The following BTBD7 variants were observed in gnomAD, a reference collection of about 807,000 sequenced individuals.
BTBD7 encodes BTB domain containing 7.
BTBD7 carries 38 observed loss-of-function variants against 99.9 expected under a neutral mutation model. The ratio of observed to expected loss-of-function variants is 0.38; its 90% confidence interval spans 0.29 to 0.50. BTBD7 has a LOEUF of 0.50. Ranked by LOEUF, BTBD7 falls within the 20% of genes least tolerant of loss-of-function variation. The pLI is 0.93. For missense variants in BTBD7, 1,170 were observed against 1,394.6 expected (o/e 0.84, Z 2.57); for synonymous variants, 520 against 511.4 (o/e 1.02, Z -0.23).
chr14:93,288,821 T>G, intron 3 of BTBD7: 1 of 1,448,430 alleles, frequency 6.9e-7, no homozygotes, highest in Non-Finnish European at 9.2e-7. Flanking sequence ...TTTGAGCTGT[T>G]CACCATTTCC....
intron 1 of BTBD7, among the ~76,000 whole-genome samples, chr14:93,310,770 C>CTTTTTTT (rs56756515): frequency 5.1e-5 from 6 of 116,660 alleles, no homozygotes; most frequent in Non-Finnish European, 6.9e-5. Flanking sequence ...AACCAAAAAA[C>CTTTTTTT]TTTTTTTTTT....
chr14:93,267,579 C>G (rs975017847), intron 3 of BTBD7, among the ~76,000 whole-genome samples: 13 of 152,212 alleles, frequency 8.5e-5, no homozygotes, highest in Non-Finnish European at 1.3e-4. Flanking sequence ...TAGCTCCAAG[C>G]CTGAGCTGAC....
intron 3 of BTBD7, among the ~76,000 whole-genome samples, chr14:93,278,935 G>C (rs1312604848): frequency 6.6e-6 from 1 of 152,180 alleles, no homozygotes; most frequent in East Asian, 1.9e-4. Context: ...GCTTGACACA[G>C]TGCCTGAAAA....
intron 1 of BTBD7, among the ~76,000 whole-genome samples, chr14:93,314,444 A>G (rs1235565450): frequency 6.6e-6 from 1 of 152,218 alleles, no homozygotes; most frequent in Non-Finnish European, 1.5e-5. Flanking sequence ...ATACAAAACT[A>G]TTTTCATTTC....
intron 8 of BTBD7, 133 bp from the exon 9 acceptor site, chr14:93,248,787 G>T: frequency 1.2e-6 from 1 of 808,044 alleles, no homozygotes; most frequent in South Asian, 2.2e-5. Context: ...TTAATTTCCT[G>T]GGAACACATT....
rs149141326 is a variant in BTBD7, at chr14:93,270,681, C to T, written c.1163-6688G>A. Among the ~76,000 whole-genome samples the T allele has an allele frequency of 3.2e-3, 466 of 146,312 alleles. 2 individuals carry two copies. Among genetic ancestry groups the T allele is most frequent in the Admixed American group, 8.0e-3 (115 of 14,398 alleles). Reference sequence around the variant, plus strand: ...CTGTACTCCAGCCTGGGCAACAGAGCGAGACTCTTGTCTCAAAAAAAAAAA... The same window carrying T: ...CTGTACTCCAGCCTGGGCAACAGAGTGAGACTCTTGTCTCAAAAAAAAAAA... On this transcript the variant is annotated intron_variant, in intron 3 of 10. Transcript: ENST00000334746.
At chr14:93,312,570 G>A (rs1009551301) in intron 1 of BTBD7, among the ~76,000 whole-genome samples, 2 of 152,144 alleles carry the variant, frequency 1.3e-5, no homozygotes, top group Non-Finnish European at 2.9e-5. Flanking sequence ...ATTCAGGAGT[G>A]GCCAACCCAG....
Position 93,300,078 on chromosome 14 carries a change from G to A in BTBD7, c.-106-3921C>T, listed in dbSNP as rs546674626. ...GTGGGAGTTAAGGTATCTAGGATTC[G>A]GTTATCTCTGTGTCACTAATTTACT... On this transcript the variant is annotated intron_variant, in intron 1 of 10. Transcript: ENST00000334746. Among the ~76,000 whole-genome samples, 7 of 152,092 alleles carry A rather than the reference G, an allele frequency of 4.6e-5. 1 individual carries two copies. In the South Asian group the frequency reaches 1.5e-3, roughly 32 times the overall value.
chr14:93,330,581 G>A (rs556061736), intron 1 of BTBD7, among the ~76,000 whole-genome samples: 15 of 152,204 alleles, frequency 9.9e-5, no homozygotes, highest in Non-Finnish European at 1.9e-4. Flanking sequence ...TTTCCAATAA[G>A]AACTTGAGGG....
intron 3 of BTBD7, among the ~76,000 whole-genome samples, chr14:93,271,773 G>C (rs1390377389): frequency 2.0e-5 from 3 of 152,178 alleles, no homozygotes; most frequent in Non-Finnish European, 4.4e-5. Context: ...GGGAGGCCAA[G>C]ACGGGCGGAT....
At chr14:93,330,290 TCTC>T (rs1277824441) in intron 1 of BTBD7, among the ~76,000 whole-genome samples, 2 of 152,142 alleles carry the variant, frequency 1.3e-5, no homozygotes, top group Non-Finnish European at 2.9e-5. Context: ...ACGAAAACAT[TCTC>T]CTCAGGAAAT....
At position 93,241,988 on chromosome 14, in the gene BTBD7, C is replaced by G. The variant is rs141712356; in HGVS notation, c.*285G>C. 2.3e-6 allele frequency: 1 copy of G among 429,502 alleles called. No individual in the cohort carries two copies. The highest frequency in any genetic ancestry group is 2.0e-5 in the African/African-American group (1 of 49,722). 26.6% of individuals were successfully genotyped at this position (429,502 alleles called of 1,614,324 possible). A position where few individuals can be genotyped will look rare whatever the true frequency, so the allele number is the denominator to read the frequency against. On this transcript the variant is annotated 3_prime_UTR_variant, in exon 11 of 11. Transcript: ENST00000334746. ...ATAAATGTACAAGTGCAAAAAAATT[C>G]CATCATTTGTAAAGAGAAATAAAAA...
At chr14:93,258,387 T>A (rs1363937228) in intron 5 of BTBD7, among the ~76,000 whole-genome samples, 1 of 152,028 alleles carries the variant, frequency 6.6e-6, no homozygotes, top group African/African-American at 2.4e-5. Context: ...TTCAAAATAT[T>A]TTTTTTTCTT....
intron 1 of BTBD7, among the ~76,000 whole-genome samples, chr14:93,312,826 CACTGT>C (rs2053153929): frequency 6.6e-6 from 1 of 152,206 alleles, no homozygotes; most frequent in Non-Finnish European, 1.5e-5. Context: ...AGCCCACTGC[CACTGT>C]ACCCTCTCCT....
chr14:93,321,463 CG>C (rs916210338), intron 1 of BTBD7, among the ~76,000 whole-genome samples: 2 of 152,080 alleles, frequency 1.3e-5, no homozygotes, highest in African/African-American at 4.8e-5. Context: ...CGTGGTGGTG[CG>C]TGCCTGTAAT....
At chr14:93,280,241 T>C (rs981544720) in intron 3 of BTBD7, among the ~76,000 whole-genome samples, 5 of 152,230 alleles carry the variant, frequency 3.3e-5, no homozygotes, top group African/African-American at 7.2e-5. Flanking sequence ...CAAGCTCAGA[T>C]GTCAAAAGAT....
chr14:93,246,621 G>A (rs1278051085), intron 9 of BTBD7, among the ~76,000 whole-genome samples: 9 of 152,246 alleles, frequency 5.9e-5, no homozygotes, highest in Non-Finnish European at 1.0e-4. Flanking sequence ...AACATTAAAT[G>A]CCAAAGGGAG....
intron 3 of BTBD7, among the ~76,000 whole-genome samples, chr14:93,280,849 C>A (rs1400119418): frequency 6.3e-5 from 9 of 141,780 alleles, no homozygotes; most frequent in Non-Finnish European, 1.1e-4. Flanking sequence ...AAAAAGGCAC[C>A]TTTTTTTTTT....
intron 10 of BTBD7, chr14:93,243,878 C>A: frequency 6.4e-6 from 1 of 156,896 alleles, no homozygotes. Context: ...GGGCCTGGCC[C>A]AACAGAATGG....
Sources: gnomAD v4.1 joint callset for allele counts (sites outside exome capture counted in the v4.1 genomes callset) on GRCh38, gnomAD v4.1.1 for gene constraint, MANE v1.5 for transcripts, NCBI Gene and HGNC (gene_info 2026-07-23, HGNC 2026-07-21) for gene names.